ROBO2: variants seen among roughly 807,000 people sequenced by gnomAD.
ROBO2 encodes the protein roundabout homolog 2.
Under a neutral mutation model 160.8 loss-of-function variants are expected in ROBO2, and 53 were observed. That is an observed-to-expected ratio of 0.33 (90% CI 0.26 to 0.41). The LOEUF (loss-of-function observed/expected upper bound fraction) is 0.41. ROBO2 is among the 10% of genes least tolerant of loss of function. The pLI is 1.00. For synonymous variants in ROBO2, 664 were observed against 611.7 expected (o/e 1.09, Z -1.26); for missense variants, 1,577 against 1,722.4 (o/e 0.92, Z 1.49).
intron 2 of ROBO2, among the ~76,000 whole-genome samples, chr3:76,179,379 C>G (rs1701389116): frequency 6.6e-6 from 1 of 152,156 alleles, no homozygotes; most frequent in Admixed American, 6.6e-5. Flanking sequence ...CTACCTCTTC[C>G]CCAGTGTTCC....
At chr3:76,463,765 C>G (rs2078218890) in intron 2 of ROBO2, among the ~76,000 whole-genome samples, 1 of 152,160 alleles carries the variant, frequency 6.6e-6, no homozygotes, top group Non-Finnish European at 1.5e-5. Context: ...TAACTCTTTT[C>G]TTTGCCTGCA....
chr3:77,434,014 G>T (rs1421558766), intron 2 of ROBO2, among the ~76,000 whole-genome samples: 1 of 152,062 alleles, frequency 6.6e-6, no homozygotes, highest in African/African-American at 2.4e-5. Context: ...GTTAGCTAGT[G>T]CACCTAAAGC....
At chr3:76,076,766 T>A (rs759137994) in intron 2 of ROBO2, among the ~76,000 whole-genome samples, 19 of 152,330 alleles carry the variant, frequency 1.2e-4, no homozygotes, top group Non-Finnish European at 2.1e-4. Context: ...CAAAAGAGCA[T>A]ATAACCTGAC....
chr3:75,948,267 G>T (rs1242784494), intron 2 of ROBO2, among the ~76,000 whole-genome samples: 6 of 151,932 alleles, frequency 3.9e-5, no homozygotes. Flanking sequence ...TTTTAATTGA[G>T]ATTTGAATTA....
chr3:76,809,687 T>A (rs1411586037), intron 2 of ROBO2, among the ~76,000 whole-genome samples: 4 of 152,256 alleles, frequency 2.6e-5, no homozygotes. Context: ...TAACCTTATT[T>A]GTGGCTCCTT....
intron 2 of ROBO2, among the ~76,000 whole-genome samples, chr3:77,019,509 G>A (rs749434644): frequency 6.6e-6 from 1 of 152,124 alleles, no homozygotes; most frequent in Admixed American, 6.5e-5. Flanking sequence ...TATAAGGCAG[G>A]AAGAAGAGCT....
intron 2 of ROBO2, among the ~76,000 whole-genome samples, chr3:76,054,185 A>T (rs1226708590): frequency 6.6e-6 from 1 of 152,166 alleles, no homozygotes; most frequent in East Asian, 1.9e-4. Flanking sequence ...CTCTATCATG[A>T]ACGAATCCTG....
At chr3:77,211,012 A>T (rs1330358103) in intron 2 of ROBO2, among the ~76,000 whole-genome samples, 1 of 152,120 alleles carries the variant, frequency 6.6e-6, no homozygotes, top group Non-Finnish European at 1.5e-5. Context: ...GGTTGGTTCC[A>T]AGTCTTTGCT....
chr3:76,945,272 G>A (rs1408954051), intron 2 of ROBO2, among the ~76,000 whole-genome samples: 2 of 152,090 alleles, frequency 1.3e-5, no homozygotes, highest in Admixed American at 1.3e-4. Flanking sequence ...TTTAATGAAT[G>A]TTAATTATTA....
intron 2 of ROBO2, chr3:76,435,202 T>A (rs757653176): frequency 1.2e-5 from 17 of 1,405,806 alleles, no homozygotes; most frequent in Non-Finnish European, 1.7e-5. Context: ...AAAGTTCAGG[T>A]AATGGGTAAA....
intron 2 of ROBO2, among the ~76,000 whole-genome samples, chr3:76,737,959 C>T (rs1047725728): frequency 3.3e-5 from 5 of 151,774 alleles, no homozygotes; most frequent in Non-Finnish European, 7.4e-5. Flanking sequence ...GGTGGGAGAC[C>T]CCACCTCTAC....
chr3:76,735,886 T>C (rs2107938367), intron 2 of ROBO2, among the ~76,000 whole-genome samples: 1 of 151,752 alleles, frequency 6.6e-6, no homozygotes, highest in East Asian at 1.9e-4. Flanking sequence ...CTCAGCATCA[T>C]GCAATATACC....
chr3:76,103,013 C>T (rs2069763802), intron 2 of ROBO2, among the ~76,000 whole-genome samples: 1 of 151,864 alleles, frequency 6.6e-6, no homozygotes, highest in Admixed American at 6.6e-5. Flanking sequence ...TTAGTAGAGT[C>T]GGGGTTTCAC....
chr3:76,119,636 A>G (rs561858798), intron 2 of ROBO2, among the ~76,000 whole-genome samples: 333 of 152,034 alleles, frequency 2.2e-3, no homozygotes, highest in African/African-American at 7.7e-3. Context: ...AATATATAAT[A>G]AAAATAAATA....
intron 2 of ROBO2, among the ~76,000 whole-genome samples, chr3:76,952,039 TTA>T (rs1235888012): frequency 6.6e-6 from 1 of 152,208 alleles, no homozygotes; most frequent in African/African-American, 2.4e-5. Flanking sequence ...ATCCTGTGTT[TTA>T]TTTTGCCAGT....
chr3:76,100,052 GT>G (rs2069618817), intron 2 of ROBO2, among the ~76,000 whole-genome samples: 1 of 152,160 alleles, frequency 6.6e-6, no homozygotes, highest in Non-Finnish European at 1.5e-5. Flanking sequence ...GCATAGTCCT[GT>G]GTGTTTTTTA....
chr3:77,561,774 T>C (rs1475217346), intron 9 of ROBO2, among the ~76,000 whole-genome samples: 1 of 152,130 alleles, frequency 6.6e-6, no homozygotes, highest in African/African-American at 2.4e-5. Flanking sequence ...TAAGTGAATA[T>C]TGAAGTTTTT....
At chr3:76,548,626 C>A (rs1163876827) in intron 2 of ROBO2, among the ~76,000 whole-genome samples, 6 of 132,020 alleles carry the variant, frequency 4.5e-5, no homozygotes, top group Non-Finnish European at 9.6e-5. Flanking sequence ...TCCTGGGAAC[C>A]AGAGGGAGGA....
At chr3:76,618,373 G>A (rs1264128981) in intron 2 of ROBO2, among the ~76,000 whole-genome samples, 1 of 151,036 alleles carries the variant, frequency 6.6e-6, no homozygotes, top group Admixed American at 6.6e-5. Flanking sequence ...ATTAATTGGA[G>A]TATTATGACA....
Sources: allele counts gnomAD v4.1 joint callset (sites outside exome capture counted in the v4.1 genomes callset), GRCh38; gene constraint gnomAD v4.1.1; transcripts MANE v1.5; gene names NCBI Gene and HGNC (gene_info 2026-07-23, HGNC 2026-07-21).